The following DHX57 variants were observed in gnomAD, a reference collection of about 807,000 sequenced individuals.
The protein encoded by DHX57 is DExH-box helicase 57, also known as putative ATP-dependent RNA helicase DHX57.
A neutral mutation model predicts 156.2 loss-of-function variants in DHX57; 105 were observed. That is an observed-to-expected ratio of 0.67 (90% CI 0.57 to 0.79). The LOEUF is 0.79. Ranked by LOEUF, DHX57 falls within the 30% of genes least tolerant of loss-of-function variation. The pLI is 0.00. For missense variants in DHX57, 1,847 were observed against 1,661.9 expected, an observed-to-expected ratio of 1.11 and a Z score of -1.94; for synonymous variants, 704 against 595.6, an observed-to-expected ratio of 1.18 and a Z score of -2.65.
rs1671064461 is a variant in DHX57, at chr2:38,825,916, T to C, written c.2945A>G (p.Tyr982Cys). The change falls in exon 16 of 24, where the codon TAC (tyrosine) becomes TGC (cysteine). Residue 982 changes from tyrosine to cysteine, a missense_variant. Coordinates refer to ENST00000457308, the MANE Select transcript of DHX57 (RefSeq NM_198963.3). ...CTGTTGTTTTAAAAGCTGGTGATTG[T>C]AGTGATGGCTAGTGAATAAATGGAA... is the stretch of plus-strand genomic sequence containing the variant. ...VCFHLFTSHH[Y>C]NHQLLKQQLP... 3 of 1,614,172 alleles carry C rather than the reference T, an allele frequency of 1.9e-6. No homozygotes were observed. Among genetic ancestry groups the C allele is most frequent in the South Asian group, 1.1e-5 (1 of 91,088 alleles).
At chr2:38,846,051 A>C (rs1210617290) in intron 11 of DHX57, among the ~76,000 whole-genome samples, 1 of 151,958 alleles carries the variant, frequency 6.6e-6, no homozygotes, top group Non-Finnish European at 1.5e-5. Context: ...TTCGTAGTAG[A>C]GACAGGGTTT....
At position 38,861,577 on chromosome 2, in the gene DHX57, A is replaced by C; in HGVS notation, c.833T>G (p.Leu278Arg). The C allele has an allele frequency of 6.2e-7, 1 of 1,614,190 alleles. No homozygotes were observed. The highest frequency in any genetic ancestry group is 1.6e-4 in the Middle Eastern group (1 of 6,062). Residue 278 changes from leucine to arginine, a missense_variant, in exon 5 of 24, where the codon CTG (leucine) becomes CGG (arginine). Leu to Arg is a moderately radical substitution (Grantham distance 102, BLOSUM62 -2). Coordinates refer to ENST00000457308, the MANE Select transcript of DHX57 (RefSeq NM_198963.3). ...QNRVWTIGLELEYLTSRFRKS... is the reference protein window; with the variant it reads ...QNRVWTIGLEREYLTSRFRKS... Reference sequence around the variant, plus strand: ...GCGGAATCTACTTGTCAGATACTCCAGTTCTAACCCAATGGTCCAGACTCT... The same window carrying C: ...GCGGAATCTACTTGTCAGATACTCCCGTTCTAACCCAATGGTCCAGACTCT...
chr2:38,814,454 T>C (rs967510596), intron 20 of DHX57, among the ~76,000 whole-genome samples: 4 of 152,336 alleles, frequency 2.6e-5, no homozygotes, highest in African/African-American at 9.6e-5. Flanking sequence ...ACAAAGCCAG[T>C]GTTCCTGAGT....
chr2:38,867,083 A>T (rs1665115179), intron 2 of DHX57: 1 of 152,226 alleles, frequency 6.6e-6, no homozygotes, highest in Non-Finnish European at 1.5e-5. Context: ...CTACAACTAG[A>T]CATGTTTAGA....
At position 38,810,579 on chromosome 2, in the gene DHX57, T is replaced by C. The variant is rs920528107; in HGVS notation, c.3681+3242A>G. ...CCTGCTCTCCACTGTAGAGAGACAGTGGGGGCTCCTGGCAGAGGATGTACA... is the reference window on the plus strand; with the variant it reads ...CCTGCTCTCCACTGTAGAGAGACAGCGGGGGCTCCTGGCAGAGGATGTACA... On this transcript the variant is annotated intron_variant, in intron 21 of 23. Coordinates refer to ENST00000457308, the MANE Select transcript of DHX57 (RefSeq NM_198963.3). 5 of 588,468 alleles carry C rather than the reference T, an allele frequency of 8.5e-6. No homozygotes were observed. In the African/African-American group the frequency reaches 9.2e-5, roughly 11 times the overall value. 36.5% of individuals were successfully genotyped at this position (588,468 alleles called of 1,614,324 possible).
chr2:38,798,287 T>A lies in DHX57; in HGVS notation c.*12A>T, dbSNP rs199851623. 1.3e-4 allele frequency: 210 copies of A among 1,610,728 alleles called. 1 individual carries two copies. The African/African-American group carries it at 2.4e-3, about 18-fold the overall frequency. ...AAGCAGGTGAGTAGCAAGCACTCTC[T>A]AAGACTGCTTTTTATTGTGTGGTGA... On this transcript the variant is annotated 3_prime_UTR_variant, in exon 24 of 24. Coordinates refer to ENST00000457308, the MANE Select transcript of DHX57 (RefSeq NM_198963.3).
In DHX57 at chr2:38,871,481, A is replaced by T. The variant is rs181161513; in HGVS notation, c.-6-3070T>A. On this transcript the variant is annotated intron_variant, in intron 1 of 23. Coordinates refer to ENST00000457308, the MANE Select transcript of DHX57 (RefSeq NM_198963.3). ...AGGAATAGAGCTATATAAAAGTAAT[A>T]CTTCTATGTATCTGTCTTAGTCTGT... Among the ~76,000 whole-genome samples the T allele has an allele frequency of 1.7e-4, 26 of 152,328 alleles. No homozygotes were observed. In the East Asian group the frequency reaches 4.6e-3, roughly 27 times the overall value.
chr2:38,804,568 CCAAGGATAAAAATCT>C (rs1392340926), intron 22 of DHX57, among the ~76,000 whole-genome samples: 2 of 151,980 alleles, frequency 1.3e-5, no homozygotes, highest in African/African-American at 4.8e-5. Flanking sequence ...CCAATGGTGT[CCAAGGATAAAAATCT>C]CAAGTCCTTG....
At chr2:38,835,206 G>A in intron 13 of DHX57, among the ~76,000 whole-genome samples, 1 of 151,932 alleles carries the variant, frequency 6.6e-6, no homozygotes, top group Admixed American at 6.6e-5. Flanking sequence ...CCCTCTTCTG[G>A]AAAAAAAATG....
At chr2:38,802,679 C>T (rs754539780) in intron 23 of DHX57, 36 bp downstream of exon 23, 20 of 1,611,452 alleles carry the variant, frequency 1.2e-5, no homozygotes, top group Non-Finnish European at 1.7e-5. Flanking sequence ...CCCCTCATGG[C>T]CTGAGCCTCA....
intron 22 of DHX57, among the ~76,000 whole-genome samples, chr2:38,804,835 C>T (rs907310359): frequency 1.3e-5 from 2 of 152,170 alleles, no homozygotes; most frequent in Admixed American, 6.5e-5. Flanking sequence ...TTTCTCATCC[C>T]GGAGTTCTTC....
chr2:38,828,754 C>T (rs1671236731), intron 13 of DHX57, among the ~76,000 whole-genome samples: 1 of 151,340 alleles, frequency 6.6e-6, no homozygotes, highest in South Asian at 2.1e-4. Flanking sequence ...TTTTCACTAT[C>T]AGTTTTATTT....
intron 21 of DHX57, among the ~76,000 whole-genome samples, chr2:38,813,537 A>AT (rs953866993): frequency 2.6e-5 from 4 of 151,160 alleles, no homozygotes; most frequent in East Asian, 2.0e-4. Context: ...TGCCTGGCTA[A>AT]TTTTTTTTGT....
In DHX57 at chr2:38,848,450, T is replaced by C. The variant is rs1356983136; in HGVS notation, c.2031-48A>G. On this transcript the variant is annotated intron_variant, in intron 9 of 23. Coordinates refer to ENST00000457308, the MANE Select transcript of DHX57 (RefSeq NM_198963.3). ...CTGAGGATCAAACAAATTCAACACA[T>C]GAAAATTAGTAACTTTTACTATATT... The C allele has an allele frequency of 3.3e-6, 5 of 1,534,932 alleles. No individual in the cohort carries two copies. In the Admixed American group the frequency reaches 6.6e-5, roughly 20 times the overall value.
intron 12 of DHX57, among the ~76,000 whole-genome samples, chr2:38,841,813 A>G (rs910099545): frequency 6.6e-6 from 1 of 152,230 alleles, no homozygotes; most frequent in African/African-American, 2.4e-5. Context: ...ATAGAAGACC[A>G]CATAGGAACA....
At chr2:38,854,954 A>C (rs768784993) in intron 8 of DHX57, 103 bp downstream of exon 8, 1 of 1,037,982 alleles carries the variant, frequency 9.6e-7, no homozygotes, top group Non-Finnish European at 1.5e-6. Context: ...AATAACCTGA[A>C]AGTATATATC....
chr2:38,834,056 A>C (rs1214794550), intron 13 of DHX57, among the ~76,000 whole-genome samples: 1 of 152,126 alleles, frequency 6.6e-6, no homozygotes, highest in East Asian at 1.9e-4. Flanking sequence ...CAGGCCGGGC[A>C]TGGTGGCTCA....
chr2:38,861,088 G>T lies in DHX57; in HGVS notation c.1322C>A (p.Pro441Gln). ...ATTTATTCTGGTCCTAGAGGGTACT[G>T]GCAGAAAGTTCACAGGAGGGTCACT... ...KYSDPPVNFL[P>Q]VPSRTRINNP... Residue 441 changes from proline (P) to glutamine (Q), a missense_variant, in exon 5 of 24, where the codon CCA becomes CAA. Pro to Gln is a moderately conservative substitution (Grantham distance 76, BLOSUM62 -1). Coordinates refer to ENST00000457308, the MANE Select transcript of DHX57 (RefSeq NM_198963.3). The T allele has an allele frequency of 6.2e-7, 1 of 1,614,192 alleles. No individual in the cohort carries two copies. The highest frequency in any genetic ancestry group is 1.3e-5 in the African/African-American group (1 of 75,038).
intron 21 of DHX57, among the ~76,000 whole-genome samples, chr2:38,807,945 CTTTTTTT>C (rs34221239): frequency 1.8e-5 from 1 of 54,252 alleles, no homozygotes; most frequent in African/African-American, 6.4e-5. Context: ...TGTGTCTTGC[CTTTTTTT>C]TTTTTTTTTT....
Sources: gnomAD v4.1 joint callset for allele counts (sites outside exome capture counted in the v4.1 genomes callset) on GRCh38, gnomAD v4.1.1 for gene constraint, MANE v1.5 for transcripts, NCBI Gene and HGNC (gene_info 2026-07-23, HGNC 2026-07-21) for gene names.